C1orf159: variants seen among roughly 807,000 people sequenced by gnomAD.
C1orf159 encodes the protein uncharacterized protein C1orf159.
A neutral mutation model predicts 25.6 loss-of-function variants in C1orf159; 19 were observed. That is an observed-to-expected ratio of 0.74 (90% CI 0.52 to 1.09). The LOEUF (loss-of-function observed/expected upper bound fraction) is 1.09. Among genes scored for constraint, C1orf159 ranks in the 50% least tolerant of loss-of-function variants. The pLI is 0.00. For missense variants in C1orf159, 274 were observed against 290.6 expected, an observed-to-expected ratio of 0.94 and a Z score of 0.42; for synonymous variants, 139 against 124.7, an observed-to-expected ratio of 1.12 and a Z score of -0.77.
intron 1 of C1orf159, among the ~76,000 whole-genome samples, chr1:1,096,513 G>C (rs1646011265): frequency 6.6e-6 from 1 of 152,106 alleles, no homozygotes; most frequent in Admixed American, 6.6e-5. Flanking sequence ...AGAATATTGT[G>C]ATTTCTTCTT....
At chr1:1,103,002 G>A (rs900635334) in intron 1 of C1orf159, among the ~76,000 whole-genome samples, 99 of 151,590 alleles carry the variant, frequency 6.5e-4, no homozygotes, top group African/African-American at 2.3e-3. Flanking sequence ...CTAAATTTTT[G>A]TTGTTGCTGT....
chr1:1,100,746 C>T (rs1226019027), intron 1 of C1orf159, among the ~76,000 whole-genome samples: 1 of 151,906 alleles, frequency 6.6e-6, no homozygotes, highest in Non-Finnish European at 1.5e-5. Flanking sequence ...TTTAGTTGTG[C>T]TTCTTTCCAT....
Position 1,082,561 on chromosome 1 carries a change from C to T in C1orf159, c.*332G>A. 1 of 381,282 alleles carries T rather than the reference C, an allele frequency of 2.6e-6. No homozygotes were observed. Among genetic ancestry groups the T allele is most frequent in the East Asian group, 6.4e-5 (1 of 15,700 alleles). The allele number at this position is 381,282 out of a possible 1,614,324, so 23.6% of individuals were successfully genotyped here. A position where few individuals can be genotyped will look rare whatever the true frequency, so the allele number is the denominator to read the frequency against. On this transcript the variant is annotated 3_prime_UTR_variant, in exon 10 of 10. Coordinates refer to ENST00000421241, the MANE Select transcript of C1orf159 (RefSeq NM_017891.5). ...TTTTCTAGGCAGAGCGGCACCTGCC[C>T]CATAGATCGTGCCAGCTTTGGCTGC...
At chr1:1,103,031 C>T (rs890492329) in intron 1 of C1orf159, among the ~76,000 whole-genome samples, 9 of 151,942 alleles carry the variant, frequency 5.9e-5, no homozygotes, top group East Asian at 2.0e-4. Context: ...TTAGTAGAGA[C>T]GGGGTTTCAC....
chr1:1,098,349 G>T (rs1646038164), intron 1 of C1orf159, among the ~76,000 whole-genome samples: 1 of 152,116 alleles, frequency 6.6e-6, no homozygotes, highest in South Asian at 2.1e-4. Context: ...GATTACATGT[G>T]TGAGCCACTG....
intron 3 of C1orf159, 129 bp from the exon 4 acceptor site, chr1:1,090,557 A>G (rs1319781827): frequency 1.0e-6 from 1 of 999,890 alleles, no homozygotes; most frequent in Non-Finnish European, 1.5e-6. Context: ...TTCTGGAGTC[A>G]GCATCGGGTG....
Position 1,092,107 on chromosome 1 carries a change from C to T in C1orf159, c.-135-4G>A, listed in dbSNP as rs1394333719. The T allele has an allele frequency of 7.3e-6, 3 of 412,404 alleles. No individual in the cohort carries two copies. The highest frequency in any genetic ancestry group is 5.7e-5 in the Admixed American group (2 of 34,926). 25.5% of individuals were successfully genotyped at this position (412,404 alleles called of 1,614,324 possible). On this transcript the variant is annotated splice_region_variant and splice_polypyrimidine_tract_variant and intron_variant, in intron 1 of 9. Transcript: ENST00000421241. The stretch of plus-strand genomic sequence containing the variant: ...CCCTGCAGACCCCGGCCCAGTCCTG[C>T]AGATGAAGACAGCAGGTGAGGCCGT...
rs961208025 is a variant in C1orf159 at position 1,110,685 on chromosome 1, A to G, written c.-136+5375T>C. ...CCCCCCGGGCACGTTCCCAAGAGAAACAACACACGCCCGCCAAACACGTGC... is the reference window on the plus strand; with the variant it reads ...CCCCCCGGGCACGTTCCCAAGAGAAGCAACACACGCCCGCCAAACACGTGC... On this transcript the variant is annotated intron_variant, in intron 1 of 9. Transcript: ENST00000421241. The surrounding 1 kb of genome is among the most constrained non-coding windows in gnomAD (Gnocchi z 4.8). 6.6e-6 allele frequency among the ~76,000 whole-genome samples: 1 copy of G among 152,140 alleles called. No individual in the cohort carries two copies. Among genetic ancestry groups the G allele is most frequent in the African/African-American group, 2.4e-5 (1 of 41,408 alleles).
At chr1:1,088,690 T>C (rs1433081330) in intron 4 of C1orf159, among the ~76,000 whole-genome samples, 1 of 152,102 alleles carries the variant, frequency 6.6e-6, no homozygotes, top group Non-Finnish European at 1.5e-5. Flanking sequence ...GACACACTCT[T>C]GATGCCGACT....
Position 1,082,750 on chromosome 1 carries a change from G to T in C1orf159, c.*143C>A. On this transcript the variant is annotated 3_prime_UTR_variant, in exon 10 of 10. Coordinates refer to ENST00000421241, the MANE Select transcript of C1orf159 (RefSeq NM_017891.5). ...CGGGACCCTTTGGCGTCCGTCGCTG[G>T]GAGGCGGAGGGACTCAGAGCCGAGG... 1.4e-6 allele frequency: 1 copy of T among 734,348 alleles called. No homozygotes were observed. The highest frequency in any genetic ancestry group is 2.3e-6 in the Non-Finnish European group (1 of 431,260). 45.5% of individuals were successfully genotyped at this position (734,348 alleles called of 1,614,324 possible).
At chr1:1,084,767 G>A (rs1032525134) in intron 7 of C1orf159, among the ~76,000 whole-genome samples, 2 of 152,056 alleles carry the variant, frequency 1.3e-5, no homozygotes, top group Non-Finnish European at 2.9e-5. Flanking sequence ...GTGAGTCCCC[G>A]CTCCCTGGAC....
At chr1:1,094,705 C>G (rs1645986877) in intron 1 of C1orf159, among the ~76,000 whole-genome samples, 1 of 152,140 alleles carries the variant, frequency 6.6e-6, no homozygotes, top group African/African-American at 2.4e-5. Context: ...CGGCCCCCGT[C>G]TTATCATTTT....
At chr1:1,086,140 G>A (rs779075707) in intron 6 of C1orf159, 128 bp from the exon 7 acceptor site, 13 of 1,207,324 alleles carry the variant, frequency 1.1e-5, no homozygotes, top group Non-Finnish European at 1.5e-5. Context: ...GGGACCGGCT[G>A]TGGGTGCCGA....
At chr1:1,100,425 G>A (rs12759295) in intron 1 of C1orf159, among the ~76,000 whole-genome samples, 38,521 of 151,844 alleles carry the variant, frequency 0.25, 5,587 homozygotes, top group Middle Eastern at 0.34. Context: ...GTGCCTCCCC[G>A]CTGTGCCCAC....
Position 1,082,620 on chromosome 1 carries a change from G to GA in C1orf159, c.*272_*273insT, listed in dbSNP as rs35133971. On this transcript the variant is annotated 3_prime_UTR_variant, in exon 10 of 10. Transcript: ENST00000421241. ...GGGCCTCACCGTGTTTCCTGGGGGG[G>GA]CCCGGACCCCCCAAGGCCTCGATCT... 5.8e-5 allele frequency: 28 copies of GA among 486,222 alleles called. No individual in the cohort carries two copies. Among genetic ancestry groups the GA allele is most frequent in the Non-Finnish European group, 1.0e-4 (28 of 267,888 alleles). The allele number at this position is 486,222 out of a possible 1,614,324, so 30.1% of individuals were successfully genotyped here.
At chr1:1,083,189 C>T (rs950490204) in intron 9 of C1orf159, 2 of 544,638 alleles carry the variant, frequency 3.7e-6, no homozygotes, top group African/African-American at 2.0e-5. Flanking sequence ...GGACGGCTTC[C>T]TCCTGCCCGG....
Position 1,082,886 on chromosome 1 carries a change from C to T in C1orf159, c.*7G>A. On this transcript the variant is annotated 3_prime_UTR_variant, in exon 10 of 10. Coordinates refer to ENST00000421241, the MANE Select transcript of C1orf159 (RefSeq NM_017891.5). ...GCCAAGTGCGTGGCGTGGTCTCGGCCTCCAGGTCAGACATTGCTGATACGG... is the reference window on the plus strand; with the variant it reads ...GCCAAGTGCGTGGCGTGGTCTCGGCTTCCAGGTCAGACATTGCTGATACGG... The T allele has an allele frequency of 6.3e-7, 1 of 1,581,826 alleles. No homozygotes were observed. The highest frequency in any genetic ancestry group is 8.6e-7 in the Non-Finnish European group (1 of 1,163,908).
At position 1,086,010 on chromosome 1, in the gene C1orf159, C is replaced by T. The variant is rs141132143; in HGVS notation, c.313G>A (p.Ala105Thr). The change falls in exon 7 of 10, where the codon GCT becomes ACT. Residue 105 changes from alanine to threonine, a missense_variant and splice_region_variant. Ala to Thr is a moderately conservative substitution (Grantham distance 58). Coordinates refer to ENST00000421241, the MANE Select transcript of C1orf159 (RefSeq NM_017891.5). ...AAGAGGGAGGCGGCCACGCGCGGAG[C>T]CCCTGCAAACAGACACCGCTGAGCA... ...SGTPGRPHPG[A>T]PRVAASLFLG... is the part of the protein sequence containing the mutation. 6.9e-5 allele frequency: 112 copies of T among 1,612,572 alleles called. No homozygotes were observed. Among genetic ancestry groups the T allele is most frequent in the Non-Finnish European group, 8.9e-5 (105 of 1,179,718 alleles).
Position 1,087,778 on chromosome 1 carries a change from C to A in C1orf159, c.149-181G>T, listed in dbSNP as rs1645855606. 1 of 604,824 alleles carries A rather than the reference C, an allele frequency of 1.7e-6. No individual in the cohort carries two copies. Among genetic ancestry groups the A allele is most frequent in the Non-Finnish European group, 2.9e-6 (1 of 339,588 alleles). The allele number at this position is 604,824 out of a possible 1,614,324, so 37.5% of individuals were successfully genotyped here. On this transcript the variant is annotated intron_variant, in intron 4 of 9. Coordinates refer to ENST00000421241, the MANE Select transcript of C1orf159 (RefSeq NM_017891.5). The surrounding 1 kb of genome is among the most constrained non-coding windows in gnomAD (Gnocchi z 8.3). ...AGGGAGCATGGCGGGGCCGTGAGCA[C>A]CCCACGCTGAGTACTCCACACTGCG...
Sources: gnomAD v4.1 joint callset for allele counts (sites outside exome capture counted in the v4.1 genomes callset) on GRCh38, gnomAD v4.1.1 for gene constraint, Gnocchi (gnomAD v3.1) non-coding constraint, MANE v1.5 for transcripts, NCBI Gene and HGNC (gene_info 2026-07-23, HGNC 2026-07-21) for gene names.